Variants in ZFHX3 observed in about 807,000 individuals in gnomAD.
ZFHX3 encodes zinc finger homeobox 3.
ZFHX3 carries 42 observed loss-of-function variants against 279.1 expected under a neutral mutation model. That is an observed-to-expected ratio of 0.15 (90% CI 0.12 to 0.19). The LOEUF (loss-of-function observed/expected upper bound fraction) is 0.19, where lower values mean the gene tolerates loss of function less well. Among genes scored for constraint, ZFHX3 ranks in the 10% least tolerant of loss-of-function variants. The pLI is 1.00. For missense variants in ZFHX3, 4,981 were observed against 4,754.0 expected (o/e 1.05, Z -1.40); for synonymous variants, 2,293 against 1,957.8 (o/e 1.17, Z -4.52).
upstream of ZFHX3, among the ~76,000 whole-genome samples, chr16:73,051,283 G>T (rs1442806135): frequency 6.6e-6 from 1 of 152,236 alleles, no homozygotes; most frequent in Non-Finnish European, 1.5e-5. Flanking sequence ...AAAAACAAAC[G>T]TTCCTGAAAT....
intron 2 of ZFHX3, among the ~76,000 whole-genome samples, chr16:73,641,320 C>A (rs74030146): frequency 6.6e-6 from 1 of 151,950 alleles, no homozygotes; most frequent in Non-Finnish European, 1.5e-5. Context: ...TTCAAGGTGA[C>A]GACAAAGGAG....
intron 1 of ZFHX3, among the ~76,000 whole-genome samples, chr16:72,992,622 G>T (rs186446488): frequency 4.6e-5 from 7 of 152,246 alleles, no homozygotes; most frequent in African/African-American, 9.6e-5. Context: ...TTCTCATGGA[G>T]GCCAGCACTT....
intron 2 of ZFHX3, among the ~76,000 whole-genome samples, chr16:73,618,763 C>T (rs1417414570): frequency 6.6e-6 from 1 of 152,160 alleles, no homozygotes; most frequent in Non-Finnish European, 1.5e-5. Flanking sequence ...CTAAGGATGA[C>T]CCCAGAGAGG....
chr16:73,066,318 C>T (rs1276336087), intron 8 of ZFHX3, among the ~76,000 whole-genome samples: 3 of 152,206 alleles, frequency 2.0e-5, no homozygotes, highest in Non-Finnish European at 2.9e-5. Context: ...CTCTCGTTCC[C>T]AAAACCTTAT....
intron 3 of ZFHX3, among the ~76,000 whole-genome samples, chr16:73,423,621 G>C (rs1016201572): frequency 6.6e-6 from 1 of 152,178 alleles, no homozygotes; most frequent in Non-Finnish European, 1.5e-5. Flanking sequence ...CAGCACTTTG[G>C]GAGGCCGAGG....
Position 73,855,692 on chromosome 16 carries a change from G to A in ZFHX3, c.-1608+35959C>T, listed in dbSNP as rs751697231. On this transcript the variant is annotated intron_variant, in intron 1 of 17. Coordinates refer to the ZFHX3 transcript ENST00000641206. Reference sequence around the variant, plus strand: ...AAGCTCAGAAAGCATTTACTAGAACGTAGGACTTAAAGAACAAAACTAAAC... The same window carrying A: ...AAGCTCAGAAAGCATTTACTAGAACATAGGACTTAAAGAACAAAACTAAAC... Among the ~76,000 whole-genome samples, 9 of 152,114 alleles carry A rather than the reference G, an allele frequency of 5.9e-5. No individual in the cohort carries two copies. In the South Asian group the frequency reaches 1.7e-3, roughly 28 times the overall value.
chr16:72,826,951 CTGAG>C (rs2036948089), intron 5 of ZFHX3, among the ~76,000 whole-genome samples: 1 of 152,152 alleles, frequency 6.6e-6, no homozygotes, highest in Admixed American at 6.5e-5. Context: ...CAGAAACACT[CTGAG>C]TAAGATTTAA....
At chr16:72,954,437 T>C (rs958524426) in intron 2 of ZFHX3, among the ~76,000 whole-genome samples, 3 of 152,158 alleles carry the variant, frequency 2.0e-5, no homozygotes, top group Non-Finnish European at 4.4e-5. Context: ...ATACGTGGTC[T>C]TGGAGCAGGT....
intron 8 of ZFHX3, among the ~76,000 whole-genome samples, chr16:73,084,065 A>G (rs899443985): frequency 7.9e-5 from 12 of 152,342 alleles, no homozygotes; most frequent in South Asian, 2.1e-4. Flanking sequence ...GATTCTGATA[A>G]ATATTTGGCA....
chr16:72,833,877 C>G (rs943193706), intron 4 of ZFHX3, among the ~76,000 whole-genome samples: 2 of 152,178 alleles, frequency 1.3e-5, no homozygotes, highest in African/African-American at 2.4e-5. Context: ...AAAGCAAATA[C>G]TGGAAAACTG....
intron 4 of ZFHX3, among the ~76,000 whole-genome samples, chr16:72,851,684 AGCTGGGATTACAG>A (rs2037621107): frequency 6.6e-6 from 1 of 151,932 alleles, no homozygotes; most frequent in Non-Finnish European, 1.5e-5. Flanking sequence ...CCTCCCGAGT[AGCTGGGATTACAG>A]GCCCCTACCA....
intron 2 of ZFHX3, among the ~76,000 whole-genome samples, chr16:73,571,218 G>A (rs1316490996): frequency 7.0e-6 from 1 of 142,512 alleles, no homozygotes; most frequent in African/African-American, 2.5e-5. Flanking sequence ...AAACATTACT[G>A]ACAATTGAAA....
Position 72,788,868 on chromosome 16 carries a change from A to G in ZFHX3, c.9428-20T>C. On this transcript the variant is annotated intron_variant, in intron 9 of 9. Transcript: ENST00000268489. The stretch of plus-strand genomic sequence containing the variant: ...TTAAAGCTGAAAGGAATGGAGACAG[A>G]AATCACCGGTCAGTCTGGGCAGGGG... 6.6e-7 allele frequency: 1 copy of G among 1,515,016 alleles called. No individual in the cohort carries two copies. Among genetic ancestry groups the G allele is most frequent in the Non-Finnish European group, 8.8e-7 (1 of 1,133,600 alleles). 93.8% of individuals were successfully genotyped at this position (1,515,016 alleles called of 1,614,324 possible).
In ZFHX3 at chr16:73,774,332, A is replaced by G. The variant is rs114553154; in HGVS notation, c.-1607-94092T>C. On this transcript the variant is annotated intron_variant, in intron 1 of 17. Transcript: ENST00000641206. Reference sequence around the variant, plus strand: ...TCATTAGGTAGTTGGTGAATGAATGAAGGCTGAGAGAAAGGGGATTTGAGC... The same window carrying G: ...TCATTAGGTAGTTGGTGAATGAATGGAGGCTGAGAGAAAGGGGATTTGAGC... 9.7e-3 allele frequency among the ~76,000 whole-genome samples: 1,475 copies of G among 152,286 alleles called. 24 individuals carry two copies. The highest frequency in any genetic ancestry group is 0.034 in the African/African-American group (1,408 of 41,556).
At chr16:73,840,709 A>T (rs540893816) in intron 1 of ZFHX3, among the ~76,000 whole-genome samples, 1 of 152,092 alleles carries the variant, frequency 6.6e-6, no homozygotes, top group Non-Finnish European at 1.5e-5. Flanking sequence ...ATTCCCATAT[A>T]CCCTGAGTGG....
At chr16:73,284,642 G>GT (rs945966073) in intron 4 of ZFHX3, among the ~76,000 whole-genome samples, 11 of 151,580 alleles carry the variant, frequency 7.3e-5, no homozygotes, top group African/African-American at 2.4e-4. Flanking sequence ...ATAAGTCTCT[G>GT]TTTTTTTTGT....
intron 1 of ZFHX3, among the ~76,000 whole-genome samples, chr16:73,037,694 TA>T (rs1964962450): frequency 6.6e-6 from 1 of 152,044 alleles, no homozygotes; most frequent in African/African-American, 2.4e-5. Context: ...TTAGGGACAG[TA>T]AAAAGTGACA....
intron 1 of ZFHX3, among the ~76,000 whole-genome samples, chr16:73,691,581 TG>T (rs1454368669): frequency 1.3e-5 from 2 of 152,204 alleles, no homozygotes; most frequent in African/African-American, 4.8e-5. Context: ...TATCAAATAT[TG>T]TACCCGATAA....
chr16:73,634,549 T>C (rs116325627), intron 2 of ZFHX3, among the ~76,000 whole-genome samples: 2,048 of 151,474 alleles, frequency 0.014, 50 homozygotes, highest in African/African-American at 0.047. Flanking sequence ...TTTTAGAAAG[T>C]ATAGACTGTG....
Sources: allele counts gnomAD v4.1 joint callset (sites outside exome capture counted in the v4.1 genomes callset), GRCh38; gene constraint gnomAD v4.1.1; transcripts MANE v1.5; gene names NCBI Gene and HGNC (gene_info 2026-07-23, HGNC 2026-07-21).